IL15: variants seen among roughly 807,000 people sequenced by gnomAD.
The protein encoded by IL15 is interleukin 15.
In IL15, 11 loss-of-function variants were observed where a neutral mutation model predicts 19.6. The observed-to-expected ratio is 0.56, with a 90% CI of 0.35 to 0.93. IL15 has a LOEUF of 0.93. IL15 is among the 40% of genes least tolerant of loss of function. IL15 has a pLI of 0.01. For synonymous variants in IL15, 58 were observed against 59.6 expected (o/e 0.97, Z 0.12); for missense variants, 197 against 186.5 (o/e 1.06, Z -0.33).
chr4:141,705,156 T>C (rs1729467611), intron 2 of IL15, among the ~76,000 whole-genome samples: 2 of 151,936 alleles, frequency 1.3e-5, no homozygotes, highest in African/African-American at 4.8e-5. Flanking sequence ...TTTAGTTCCT[T>C]GAGGTGAATC....
intron 2 of IL15, among the ~76,000 whole-genome samples, chr4:141,659,281 C>A (rs2030326): frequency 0.51 from 76,614 of 151,150 alleles, 19,716 homozygotes; most frequent in East Asian, 0.85. Context: ...TGGCTCACTG[C>A]AACCTTTGCC....
chr4:141,645,006 A>G (rs1727179802), intron 1 of IL15, among the ~76,000 whole-genome samples: 1 of 152,156 alleles, frequency 6.6e-6, no homozygotes, highest in African/African-American at 2.4e-5. Context: ...TCTATGAGAA[A>G]TAATTTTTGC....
At chr4:141,730,987 G>A (rs1374385345) in intron 7 of IL15, among the ~76,000 whole-genome samples, 1 of 152,142 alleles carries the variant, frequency 6.6e-6, no homozygotes, top group African/African-American at 2.4e-5. Context: ...ACAGGGTAGG[G>A]GCACTGGGGC....
At chr4:141,711,460 A>T (rs1560932555) in intron 2 of IL15, among the ~76,000 whole-genome samples, 1 of 152,128 alleles carries the variant, frequency 6.6e-6, no homozygotes, top group Non-Finnish European at 1.5e-5. Context: ...GATAGTTGTG[A>T]GAATAAGGAC....
chr4:141,695,508 TG>T (rs958895146), intron 2 of IL15, among the ~76,000 whole-genome samples: 1 of 152,078 alleles, frequency 6.6e-6, no homozygotes, highest in Non-Finnish European at 1.5e-5. Flanking sequence ...TTCCACATTT[TG>T]GGTCTTGGAA....
intron 2 of IL15, among the ~76,000 whole-genome samples, chr4:141,685,095 T>G (rs1359033854): frequency 6.6e-6 from 1 of 152,212 alleles, no homozygotes; most frequent in Non-Finnish European, 1.5e-5. Context: ...TTATTAAACT[T>G]CTGTCATGTA....
intron 2 of IL15, among the ~76,000 whole-genome samples, chr4:141,677,841 C>T (rs184145164): frequency 6.6e-6 from 1 of 152,282 alleles, no homozygotes; most frequent in East Asian, 1.9e-4. Flanking sequence ...TAACATGAAA[C>T]AATCACAGGA....
At chr4:141,657,363 A>G (rs1407998487) in intron 2 of IL15, among the ~76,000 whole-genome samples, 1 of 152,034 alleles carries the variant, frequency 6.6e-6, no homozygotes, top group Non-Finnish European at 1.5e-5. Flanking sequence ...CTGTATAAAC[A>G]CTGTACACTT....
At position 141,732,776 on chromosome 4, in the gene IL15, G is replaced by A; in HGVS notation, c.417G>A (p.Leu139=). ...CTGGATGCAAAGAATGTGAGGAACT[G>A]GAGGAAAAAAATATTAAAGAATTTT... The part of the protein sequence containing the change: ...TESGCKECEE[L]EEKNIKEFLQ... The change falls in exon 8 of 8, where the codon CTG becomes CTA. Residue 139 remains leucine, a synonymous_variant. Transcript: ENST00000320650. 6.2e-7 allele frequency: 1 copy of A among 1,612,792 alleles called. No individual in the cohort carries two copies. Among genetic ancestry groups the A allele is most frequent in the South Asian group, 1.1e-5 (1 of 90,682 alleles).
intron 2 of IL15, among the ~76,000 whole-genome samples, chr4:141,662,337 C>T (rs1386622653): frequency 6.6e-6 from 1 of 152,186 alleles, no homozygotes; most frequent in African/African-American, 2.4e-5. Flanking sequence ...GCCTATAAGC[C>T]TTAAAGCTGT....
chr4:141,695,841 C>T lies in IL15; in HGVS notation c.-99-23525C>T, dbSNP rs530343879. Among the ~76,000 whole-genome samples, 6 of 152,090 alleles carry T rather than the reference C, an allele frequency of 3.9e-5. No homozygotes were observed. In the South Asian group the frequency reaches 1.0e-3, roughly 26 times the overall value. ...ATTCACTATATATTCAGGATATATA[C>T]ACTATATATTCAGATGGGTAGTTTG... On this transcript the variant is annotated intron_variant, in intron 2 of 7. Transcript: ENST00000320650.
At chr4:141,701,520 G>C (rs72712425) in intron 2 of IL15, among the ~76,000 whole-genome samples, 1 of 151,998 alleles carries the variant, frequency 6.6e-6, no homozygotes, top group Admixed American at 6.6e-5. Flanking sequence ...CTTGAAGTTT[G>C]TCTCATTCTC....
At chr4:141,706,721 A>C (rs1385849717) in intron 2 of IL15, among the ~76,000 whole-genome samples, 3 of 149,378 alleles carry the variant, frequency 2.0e-5, no homozygotes, top group Non-Finnish European at 4.5e-5. Flanking sequence ...TTTTTTTTTA[A>C]TTTTCAGCAC....
intron 2 of IL15, among the ~76,000 whole-genome samples, chr4:141,661,216 G>A (rs1467923525): frequency 6.6e-6 from 1 of 152,172 alleles, no homozygotes; most frequent in African/African-American, 2.4e-5. Flanking sequence ...CAGGAAGAAT[G>A]AGAGTGTGGA....
At chr4:141,667,262 G>A (rs1008371933) in intron 2 of IL15, among the ~76,000 whole-genome samples, 1 of 152,140 alleles carries the variant, frequency 6.6e-6, no homozygotes, top group African/African-American at 2.4e-5. Context: ...CCCAAGGACC[G>A]GGCTGTGGGA....
chr4:141,677,126 G>T (rs1433135326), intron 2 of IL15, among the ~76,000 whole-genome samples: 1 of 152,154 alleles, frequency 6.6e-6, no homozygotes, highest in African/African-American at 2.4e-5. Flanking sequence ...AAAAGAGTCA[G>T]AAGTTACAAT....
At chr4:141,663,769 T>C (rs1436085573) in intron 2 of IL15, among the ~76,000 whole-genome samples, 5 of 152,018 alleles carry the variant, frequency 3.3e-5, no homozygotes, top group Non-Finnish European at 7.4e-5. Context: ...CTGGCTTTGG[T>C]GAAAAGGGGT....
intron 2 of IL15, among the ~76,000 whole-genome samples, chr4:141,713,518 T>C (rs1729775801): frequency 6.6e-6 from 1 of 152,224 alleles, no homozygotes; most frequent in South Asian, 2.1e-4. Flanking sequence ...TAAAACATTA[T>C]CTGGCCCTCT....
chr4:141,681,107 G>A (rs933415794), intron 2 of IL15, among the ~76,000 whole-genome samples: 2 of 151,974 alleles, frequency 1.3e-5, no homozygotes, highest in Non-Finnish European at 2.9e-5. Flanking sequence ...CTCATTAATG[G>A]TCCTCTTTTA....
Sources: allele counts gnomAD v4.1 joint callset (sites outside exome capture counted in the v4.1 genomes callset), GRCh38; gene constraint gnomAD v4.1.1; transcripts MANE v1.5; gene names NCBI Gene and HGNC (gene_info 2026-07-23, HGNC 2026-07-21).